Variants in MYH9 observed in about 807,000 individuals in gnomAD.
MYH9 encodes myosin-9.
MYH9 carries 29 observed loss-of-function variants against 241.9 expected under a neutral mutation model. That is an observed-to-expected ratio of 0.12 (90% CI 0.09 to 0.16). The LOEUF (loss-of-function observed/expected upper bound fraction) is 0.16, where lower values mean the gene tolerates loss of function less well. Ranked by LOEUF, MYH9 falls within the 10% of genes least tolerant of loss-of-function variation. The probability of loss-of-function intolerance (pLI) is 1.00; values close to 1 mark genes in which losing one functional copy is unlikely to be tolerated. For missense variants in MYH9, 1,803 were observed against 2,595.5 expected, an observed-to-expected ratio of 0.69 and a Z score of 6.63; for synonymous variants, 1,047 against 1,062.6, an observed-to-expected ratio of 0.99 and a Z score of 0.29.
intron 1 of MYH9, among the ~76,000 whole-genome samples, chr22:36,358,355 G>A (rs1160313779): frequency 1.3e-5 from 2 of 152,130 alleles, no homozygotes; most frequent in African/African-American, 2.4e-5. Context: ...GTCAGCCACC[G>A]CACCAGGCCC....
rs1986296887 is a variant in MYH9 at position 36,300,104 on chromosome 22, CA to C, written c.2976+22del. On this transcript the variant is annotated intron_variant, in intron 23 of 40. Coordinates refer to ENST00000216181, the MANE Select transcript of MYH9 (RefSeq NM_002473.6). This position sits in a 1 kb window ranked among gnomAD's most constrained non-coding sequence, Gnocchi z 5.0. ...ATCCACGGCGCCCCTGGAGCAGCGG[CA>C]GGCGACAGCCACGGGCCTCACCTTG... 3 of 1,607,802 alleles carry C rather than the reference CA, an allele frequency of 1.9e-6. No individual in the cohort carries two copies. In the African/African-American group the frequency reaches 4.0e-5, roughly 21 times the overall value.
intron 1 of MYH9, among the ~76,000 whole-genome samples, chr22:36,380,859 G>A (rs571126407): frequency 3.3e-5 from 5 of 152,314 alleles, no homozygotes; most frequent in African/African-American, 9.6e-5. Context: ...GGAGCCAAGC[G>A]AATTATGGAA....
At chr22:36,289,850 A>T (rs138761915) in intron 31 of MYH9, among the ~76,000 whole-genome samples, 1 of 152,294 alleles carries the variant, frequency 6.6e-6, no homozygotes, top group Admixed American at 6.5e-5. Context: ...CTAAAGGGCC[A>T]GATAGTGCAT....
At chr22:36,359,189 C>T (rs778549027) in intron 1 of MYH9, among the ~76,000 whole-genome samples, 4 of 152,216 alleles carry the variant, frequency 2.6e-5, no homozygotes, top group Non-Finnish European at 5.9e-5. Context: ...GCTAAATACT[C>T]ATTATTTGTA....
At chr22:36,324,175 G>C (rs999020155) in intron 5 of MYH9, among the ~76,000 whole-genome samples, 12 of 152,272 alleles carry the variant, frequency 7.9e-5, no homozygotes, top group African/African-American at 2.9e-4. Context: ...TGTTGCCGTG[G>C]AAAGTGGGGC....
At chr22:36,346,428 T>G (rs1182771370) in intron 2 of MYH9, among the ~76,000 whole-genome samples, 2 of 152,274 alleles carry the variant, frequency 1.3e-5, no homozygotes, top group East Asian at 1.9e-4. Flanking sequence ...GAAATGTGCT[T>G]AAGTCTGTCT....
intron 1 of MYH9, among the ~76,000 whole-genome samples, chr22:36,379,434 G>A (rs1017552846): frequency 6.6e-5 from 10 of 152,160 alleles, no homozygotes; most frequent in South Asian, 2.1e-4. Context: ...GCGTGAACCC[G>A]GGAGGTGGAG....
chr22:36,354,948 A>AAAAG (rs2017829717), intron 1 of MYH9, among the ~76,000 whole-genome samples: 1 of 84,058 alleles, frequency 1.2e-5, no homozygotes, highest in Non-Finnish European at 2.9e-5. Flanking sequence ...CAAAAAAACA[A>AAAAG]AAAACAAAAC....
intron 31 of MYH9, among the ~76,000 whole-genome samples, chr22:36,291,281 G>A (rs547914806): frequency 1.4e-3 from 208 of 152,356 alleles, no homozygotes; most frequent in African/African-American, 4.7e-3. Context: ...GATGGTTGCC[G>A]TGTCTGTGTA....
Position 36,288,332 on chromosome 22 carries a change from C to A in MYH9, c.4852G>T (p.Asp1618Tyr), listed in dbSNP as rs771657500. ...ATGTGCGCCTCCAGGTCCTTCAGGTCCATCTCCAGCTTCTTCCGGGCGGCC... is the reference window on the plus strand; with the variant it reads ...ATGTGCGCCTCCAGGTCCTTCAGGTACATCTCCAGCTTCTTCCGGGCGGCC... ...AVAARKKLEM[D>Y]LKDLEAHIDS... Residue 1618 changes from aspartate (D) to tyrosine (Y), a missense_variant, in exon 34 of 41, where the codon GAC becomes TAC. Asp to Tyr is a radical substitution (Grantham distance 160, BLOSUM62 -3). Transcript: ENST00000216181. The surrounding 1 kb of genome is among the most constrained non-coding windows in gnomAD (Gnocchi z 4.8). 6.2e-7 allele frequency: 1 copy of A among 1,614,104 alleles called. No homozygotes were observed. The highest frequency in any genetic ancestry group is 8.5e-7 in the Non-Finnish European group (1 of 1,180,024).
chr22:36,355,519 T>A (rs2017841031), intron 1 of MYH9, among the ~76,000 whole-genome samples: 1 of 152,196 alleles, frequency 6.6e-6, no homozygotes. Context: ...TTGAGAGCAT[T>A]TCCACTCCCA....
chr22:36,313,763 C>T (rs537117994), intron 13 of MYH9, among the ~76,000 whole-genome samples: 115 of 152,254 alleles, frequency 7.6e-4, no homozygotes, highest in African/African-American at 2.6e-3. Context: ...AAGCAGCCCG[C>T]GATAGGGCCT....
chr22:36,291,832 A>C (rs1021073179), intron 31 of MYH9, among the ~76,000 whole-genome samples, 154 bp downstream of exon 31: 2 of 152,160 alleles, frequency 1.3e-5, no homozygotes, highest in Non-Finnish European at 2.9e-5. Context: ...ACCCTCAACA[A>C]GCCAGAGCCT....
At position 36,306,926 on chromosome 22, in the gene MYH9, TG is replaced by T. The variant is rs1476285177; in HGVS notation, c.1844-320del. On this transcript the variant is annotated intron_variant, in intron 15 of 40. Transcript: ENST00000216181. This position sits in a 1 kb window ranked among gnomAD's most constrained non-coding sequence, Gnocchi z 4.1. ...CAAAAAGACTCAATGAAGCTAGTCATGTATTTTGGAATAGTGAGAATTCTAC... is the reference window on the plus strand; with the variant it reads ...CAAAAAGACTCAATGAAGCTAGTCATTATTTTGGAATAGTGAGAATTCTAC... Among the ~76,000 whole-genome samples, 1 of 152,106 alleles carries T rather than the reference TG, an allele frequency of 6.6e-6. No homozygotes were observed. The highest frequency in any genetic ancestry group is 2.4e-5 in the African/African-American group (1 of 41,410).
chr22:36,305,883 C>A lies in MYH9; in HGVS notation c.2159+47G>T. ...AGCAGCCCACCTCTGGGACTCACTGCACGCACAGCAGGGCCCAGGAGAAGC... is the reference window on the plus strand; with the variant it reads ...AGCAGCCCACCTCTGGGACTCACTGAACGCACAGCAGGGCCCAGGAGAAGC... On this transcript the variant is annotated intron_variant, in intron 17 of 40. Transcript: ENST00000216181. The surrounding 1 kb of genome is among the most constrained non-coding windows in gnomAD (Gnocchi z 4.7). 2 of 1,611,214 alleles carry A rather than the reference C, an allele frequency of 1.2e-6. No homozygotes were observed. The highest frequency in any genetic ancestry group is 1.7e-6 in the Non-Finnish European group (2 of 1,179,232).
chr22:36,346,691 C>T (rs984567323), intron 2 of MYH9, among the ~76,000 whole-genome samples: 1 of 152,136 alleles, frequency 6.6e-6, no homozygotes, highest in Admixed American at 6.6e-5. Flanking sequence ...CACCCTTGAC[C>T]CCCTGGGCTC....
In MYH9 at chr22:36,289,171, G is replaced by C. The variant is rs1301411308; in HGVS notation, c.4471C>G (p.Gln1491Glu). 1 of 1,613,774 alleles carries C rather than the reference G, an allele frequency of 6.2e-7. No individual in the cohort carries two copies. The highest frequency in any genetic ancestry group is 1.7e-5 in the Admixed American group (1 of 60,030). The change falls in exon 32 of 41, where the codon CAG (glutamine) becomes GAG (glutamate). Residue 1491 changes from glutamine (Q) to glutamate (E), a missense_variant. Physicochemically the swap from Gln to Glu is conservative, Grantham distance 29. This residue lies in a region of MYH9 where 876 missense variants were observed against 1,077.8 expected (regional missense o/e 0.81). Transcript: ENST00000216181. ...LARALEEAME[Q>E]KAELERLNKQ... ...TTGAGCCGCTCCAGCTCCGCCTTCT[G>C]CTCCATGGCTTCCTCCAGGGCCCGG...
chr22:36,294,902 T>TC (rs1349585356), intron 27 of MYH9, 30 bp downstream of exon 27: 3 of 1,607,790 alleles, frequency 1.9e-6, no homozygotes, highest in Non-Finnish European at 2.5e-6. Flanking sequence ...AACCCTGCCC[T>TC]CCCCCTGCGG....
At position 36,305,156 on chromosome 22, in the gene MYH9, G is replaced by A; in HGVS notation, c.2160-54C>T. ...TTTACCCATTGCCTCGATTCCACATGCCTGGAATATAGGCGAGAGATTAAC... is the reference window on the plus strand; with the variant it reads ...TTTACCCATTGCCTCGATTCCACATACCTGGAATATAGGCGAGAGATTAAC... On this transcript the variant is annotated intron_variant, in intron 17 of 40. Transcript: ENST00000216181. This position sits in a 1 kb window ranked among gnomAD's most constrained non-coding sequence, Gnocchi z 4.7. The A allele has an allele frequency of 7.1e-7, 1 of 1,412,964 alleles. No homozygotes were observed. The allele number at this position is 1,412,964 out of a possible 1,614,324, so 87.5% of individuals were successfully genotyped here.
Sources: gnomAD v4.1 joint callset for allele counts (sites outside exome capture counted in the v4.1 genomes callset) on GRCh38, gnomAD v4.1.1 for gene constraint, gnomAD v4.1.1 regional missense constraint, Gnocchi (gnomAD v3.1) non-coding constraint, MANE v1.5 for transcripts, NCBI Gene and HGNC (gene_info 2026-07-23, HGNC 2026-07-21) for gene names.